NXN: variants seen among roughly 807,000 people sequenced by gnomAD.
NXN encodes the protein nucleoredoxin 1.
NXN carries 16 observed loss-of-function variants against 48.6 expected under a neutral mutation model. That is an observed-to-expected ratio of 0.33 (90% confidence interval 0.22 to 0.50). The LOEUF (loss-of-function observed/expected upper bound fraction) is 0.50. Ranked by LOEUF, NXN falls within the 20% of genes least tolerant of loss-of-function variation. The pLI is 0.98. For missense variants in NXN, 492 were observed against 605.5 expected (o/e 0.81, Z 1.97); for synonymous variants, 281 against 269.6 (o/e 1.04, Z -0.41).
chr17:830,562 T>C lies in NXN; in HGVS notation c.361-4484A>G, dbSNP rs1251451740. Among the ~76,000 whole-genome samples, 1 of 152,042 alleles carries C rather than the reference T, an allele frequency of 6.6e-6. No homozygotes were observed. Among genetic ancestry groups the C allele is most frequent in the African/African-American group, 2.4e-5 (1 of 41,378 alleles). ...CCCGTGTGGAGGCTGACTGCGAAAG[T>C]CTGAGTAGATGAGAGAACCAGGGGC... On this transcript the variant is annotated intron_variant, in intron 1 of 7. Transcript: ENST00000336868. This position sits in a 1 kb window ranked among gnomAD's most constrained non-coding sequence, Gnocchi z 4.2.
At chr17:802,543 G>A (rs559162351) in intron 7 of NXN, among the ~76,000 whole-genome samples, 60 of 152,290 alleles carry the variant, frequency 3.9e-4, no homozygotes, top group Non-Finnish European at 6.8e-4. Flanking sequence ...GCCCCCGCCC[G>A]TGCCCGGCCC....
intron 1 of NXN, among the ~76,000 whole-genome samples, chr17:907,118 G>A (rs948220042): frequency 7.1e-6 from 1 of 140,190 alleles, no homozygotes; most frequent in African/African-American, 2.6e-5. Context: ...CAATTTCCAA[G>A]TAATCTTTTT....
intron 1 of NXN, among the ~76,000 whole-genome samples, chr17:844,712 G>A (rs1165993726): frequency 1.3e-5 from 2 of 152,018 alleles, no homozygotes; most frequent in African/African-American, 4.8e-5. Context: ...AGCCTCCTGA[G>A]GAGCTGGGAT....
intron 5 of NXN, among the ~76,000 whole-genome samples, chr17:809,704 G>A (rs1911798370): frequency 6.6e-6 from 1 of 150,804 alleles, no homozygotes; most frequent in African/African-American, 2.4e-5. Context: ...AAAATATTAA[G>A]TGATCATGAA....
At position 917,087 on chromosome 17, in the gene NXN, C is replaced by A. The variant is rs149715677; in HGVS notation, c.360+62232G>T. 3.5e-3 allele frequency among the ~76,000 whole-genome samples: 539 copies of A among 152,292 alleles called. 7 individuals carry two copies. Among genetic ancestry groups the A allele is most frequent in the African/African-American group, 0.012 (517 of 41,560 alleles). ...CATGCTGAAGCTACAAATCAAACATCCGCTTTGCCTCCAACAAGATTCCCT... is the reference window on the plus strand; with the variant it reads ...CATGCTGAAGCTACAAATCAAACATACGCTTTGCCTCCAACAAGATTCCCT... On this transcript the variant is annotated intron_variant, in intron 1 of 7. Transcript: ENST00000336868. This position sits in a 1 kb window ranked among gnomAD's most constrained non-coding sequence, Gnocchi z 4.5.
chr17:884,267 T>C (rs971391042), intron 1 of NXN, among the ~76,000 whole-genome samples: 3 of 151,206 alleles, frequency 2.0e-5, no homozygotes, highest in African/African-American at 7.3e-5. Context: ...AAGCTGTGTG[T>C]AGTGGCGTGC....
intron 5 of NXN, among the ~76,000 whole-genome samples, chr17:812,319 G>A (rs1912104462): frequency 6.6e-6 from 1 of 152,194 alleles, no homozygotes; most frequent in African/African-American, 2.4e-5. Context: ...CACTGCCCCA[G>A]TGTAAGTCCA....
At chr17:805,020 T>TCCCCC in intron 6 of NXN, 48 bp downstream of exon 6, 8 of 1,512,864 alleles carry the variant, frequency 5.3e-6, no homozygotes, top group Non-Finnish European at 7.2e-6. Context: ...GCCCCTCCTG[T>TCCCCC]CCCGCCCCCC....
At chr17:896,870 C>A in intron 1 of NXN, 1 of 854,718 alleles carries the variant, frequency 1.2e-6, no homozygotes, top group South Asian at 1.5e-5. Context: ...CGCCCCCGGC[C>A]CCTCAACAAA....
intron 1 of NXN, among the ~76,000 whole-genome samples, chr17:945,750 A>G (rs965643802): frequency 6.6e-6 from 1 of 152,222 alleles, no homozygotes; most frequent in Admixed American, 6.5e-5. Flanking sequence ...ATAAATGTTC[A>G]GTGGAGATGT....
At chr17:859,275 G>A (rs535058664) in intron 1 of NXN, among the ~76,000 whole-genome samples, 6 of 152,286 alleles carry the variant, frequency 3.9e-5, no homozygotes, top group Non-Finnish European at 7.4e-5. Context: ...CAAAGCGGTC[G>A]TTTGGAAGTG....
At position 830,996 on chromosome 17, in the gene NXN, G is replaced by A. The variant is rs1311959133; in HGVS notation, c.361-4918C>T. Among the ~76,000 whole-genome samples, 20 of 122,598 alleles carry A rather than the reference G, an allele frequency of 1.6e-4. No individual in the cohort carries two copies. The highest frequency in any genetic ancestry group is 2.8e-4 in the Non-Finnish European group (17 of 60,430). 80.4% of individuals were successfully genotyped at this position (122,598 alleles called of 152,430 possible). ...GCCTGGGCAACAAGAGCGAAACTCC[G>A]TCTCAAAAAAAAAAAAAAAACATGC... On this transcript the variant is annotated intron_variant, in intron 1 of 7. Coordinates refer to ENST00000336868, the MANE Select transcript of NXN (RefSeq NM_022463.5). The surrounding 1 kb of genome is among the most constrained non-coding windows in gnomAD (Gnocchi z 4.2).
chr17:911,392 T>C (rs1031539196), intron 1 of NXN, among the ~76,000 whole-genome samples: 5 of 143,330 alleles, frequency 3.5e-5, no homozygotes, highest in Admixed American at 2.3e-4. Context: ...CAGGCTGGAG[T>C]GCAGTGGCGC....
At chr17:972,419 G>A (rs1292878807) in intron 1 of NXN, among the ~76,000 whole-genome samples, 1 of 152,136 alleles carries the variant, frequency 6.6e-6, no homozygotes, top group Non-Finnish European at 1.5e-5. Flanking sequence ...GGAGGTTGCA[G>A]TGAGCCGAGA....
chr17:842,999 AGAAAGAG>A lies in NXN; in HGVS notation c.361-16928_361-16922del, dbSNP rs1474496113. Among the ~76,000 whole-genome samples the A allele has an allele frequency of 8.3e-3, 783 of 94,036 alleles. 3 individuals carry two copies. Among genetic ancestry groups the A allele is most frequent in the African/African-American group, 0.014 (305 of 22,562 alleles). The allele number at this position is 94,036 out of a possible 152,430, so 61.7% of individuals were successfully genotyped here. A position where few individuals can be genotyped will look rare whatever the true frequency, so the allele number is the denominator to read the frequency against. On this transcript the variant is annotated intron_variant, in intron 1 of 7. Coordinates refer to ENST00000336868, the MANE Select transcript of NXN (RefSeq NM_022463.5). ...GAGAAAGAGAGAAAGAGAGAAAGAG[AGAAAGAG>A]AGAAAGAAAGAAAGAAAGAAAGAAA...
chr17:857,678 T>G (rs2068000178), intron 1 of NXN, among the ~76,000 whole-genome samples: 1 of 152,212 alleles, frequency 6.6e-6, no homozygotes, highest in Non-Finnish European at 1.5e-5. Context: ...GCTGTAGCTC[T>G]CTTTCTCAAT....
rs150244676 is a variant in NXN at position 918,533 on chromosome 17, T to C, written c.360+60786A>G. Among the ~76,000 whole-genome samples the C allele has an allele frequency of 8.2e-3, 1,247 of 152,224 alleles. 23 individuals are homozygous for C. Among genetic ancestry groups the C allele is most frequent in the African/African-American group, 0.027 (1,131 of 41,534 alleles). The stretch of plus-strand genomic sequence containing the variant: ...GGTTGAGGCCGGGCGCAGTGGCTCA[T>C]GCCTGTAATCCCAGAAAGTGAGGCC... On this transcript the variant is annotated intron_variant, in intron 1 of 7. Transcript: ENST00000336868.
intron 1 of NXN, among the ~76,000 whole-genome samples, chr17:915,637 A>G (rs1312854197): frequency 6.6e-6 from 1 of 152,204 alleles, no homozygotes; most frequent in East Asian, 1.9e-4. Flanking sequence ...ATGAGTACAT[A>G]GTGTAACGCT....
intron 3 of NXN, 82 bp downstream of exon 3, chr17:823,550 C>A (rs1912932416): frequency 1.3e-6 from 2 of 1,529,680 alleles, no homozygotes; most frequent in African/African-American, 2.8e-5. Context: ...GGTGTCTCAC[C>A]CCCAGAAGCC....
Sources: gnomAD v4.1 joint callset for allele counts (sites outside exome capture counted in the v4.1 genomes callset) on GRCh38, gnomAD v4.1.1 for gene constraint, Gnocchi (gnomAD v3.1) non-coding constraint, MANE v1.5 for transcripts, NCBI Gene and HGNC (gene_info 2026-07-23, HGNC 2026-07-21) for gene names.